MGAT5: variants seen among roughly 807,000 people sequenced by gnomAD.
MGAT5 encodes the protein alpha-1,6-mannosylglycoprotein 6-beta-N-acetylglucosaminyltransferase, also known as alpha-1,6-mannosylglycoprotein 6-beta-N-acetylglucosaminyltransferase A.
Under a neutral mutation model 94.3 loss-of-function variants are expected in MGAT5, and 30 were observed. The ratio of observed to expected loss-of-function variants is 0.32; its 90% CI spans 0.24 to 0.43. MGAT5 has a LOEUF of 0.43. Ranked by LOEUF, MGAT5 falls within the 20% of genes least tolerant of loss-of-function variation. MGAT5 has a pLI of 1.00. For synonymous variants in MGAT5, 310 were observed against 322.9 expected, an observed-to-expected ratio of 0.96 and a Z score of 0.43; for missense variants, 691 against 905.5, an observed-to-expected ratio of 0.76 and a Z score of 3.04.
intron 4 of MGAT5, among the ~76,000 whole-genome samples, chr2:134,333,708 G>A (rs942968492): frequency 1.4e-4 from 22 of 152,086 alleles, no homozygotes; most frequent in Non-Finnish European, 4.4e-5. Context: ...AGAAAACAAA[G>A]TTAGGGATTA....
chr2:134,202,004 G>C (rs13410650), intron 1 of MGAT5, among the ~76,000 whole-genome samples: 1 of 151,808 alleles, frequency 6.6e-6, no homozygotes, highest in Non-Finnish European at 1.5e-5. Context: ...CTAATGAAGA[G>C]ATGCAACTAT....
chr2:134,295,694 A>G (rs73958348), intron 2 of MGAT5, among the ~76,000 whole-genome samples: 8,777 of 152,126 alleles, frequency 0.058, 551 homozygotes, highest in East Asian at 0.2. Flanking sequence ...CGGAGTTTCT[A>G]TTGGAACCAT....
chr2:134,307,885 A>G (rs1402732689), intron 2 of MGAT5, among the ~76,000 whole-genome samples: 1 of 152,092 alleles, frequency 6.6e-6, no homozygotes, highest in Non-Finnish European at 1.5e-5. Flanking sequence ...TGAGGTTGGG[A>G]GAGCATTAAA....
intron 2 of MGAT5, among the ~76,000 whole-genome samples, chr2:134,303,074 T>C (rs1225021905): frequency 6.6e-6 from 1 of 152,176 alleles, no homozygotes; most frequent in Non-Finnish European, 1.5e-5. Flanking sequence ...GCCTACATGA[T>C]GTTCTCCACA....
At chr2:134,183,689 A>G (rs1390506667) in intron 1 of MGAT5, among the ~76,000 whole-genome samples, 1 of 152,218 alleles carries the variant, frequency 6.6e-6, no homozygotes, top group Non-Finnish European at 1.5e-5. Context: ...TGGAACTGTT[A>G]AATTCACTTT....
intron 6 of MGAT5, among the ~76,000 whole-genome samples, chr2:134,339,603 T>C (rs1158165033): frequency 6.6e-6 from 1 of 151,966 alleles, no homozygotes; most frequent in Non-Finnish European, 1.5e-5. Flanking sequence ...AGGAAAAAAA[T>C]GGTCCAATTA....
intron 1 of MGAT5, among the ~76,000 whole-genome samples, chr2:134,172,359 G>T (rs181935767): frequency 1.3e-5 from 2 of 151,584 alleles, no homozygotes; most frequent in African/African-American, 4.8e-5. Flanking sequence ...TATGGAGGAA[G>T]GAATTTCCTA....
At position 134,323,050 on chromosome 2, in the gene MGAT5, T is replaced by G. The variant is rs114986157; in HGVS notation, c.573+4311T>G. ...GACCTGTCTTAAGAGATGGTACTCT[T>G]CCTTCATTTTTCTTTCTTAGGGTTG... is the stretch of plus-strand genomic sequence containing the variant. On this transcript the variant is annotated intron_variant, in intron 4 of 15. Coordinates refer to ENST00000281923, the MANE Select transcript of MGAT5 (RefSeq NM_002410.5). 1.3e-3 allele frequency among the ~76,000 whole-genome samples: 199 copies of G among 152,306 alleles called. 1 individual carries two copies. The highest frequency in any genetic ancestry group is 4.7e-3 in the African/African-American group (194 of 41,568).
At chr2:134,142,273 A>G (rs1460819384) in intron 1 of MGAT5, among the ~76,000 whole-genome samples, 1 of 152,112 alleles carries the variant, frequency 6.6e-6, no homozygotes, top group East Asian at 1.9e-4. Context: ...ACCAGATGAT[A>G]CCACCCCGAA....
chr2:134,452,859 A>G lies in MGAT5; in HGVS notation c.*4012A>G, dbSNP rs1466318611. ...TCATGTGAGTAGACGGATGGACATA[A>G]ATAGATTCATGCTCATTTAGGAAGC... On this transcript the variant is annotated 3_prime_UTR_variant, in exon 16 of 16. Coordinates refer to ENST00000281923, the MANE Select transcript of MGAT5 (RefSeq NM_002410.5). 6.6e-6 allele frequency: 1 copy of G among 152,242 alleles called. No homozygotes were observed. Among genetic ancestry groups the G allele is most frequent in the Non-Finnish European group, 1.5e-5 (1 of 68,046 alleles). The allele number at this position is 152,242 out of a possible 1,614,324, so 9.4% of individuals were successfully genotyped here. A position where few individuals can be genotyped will look rare whatever the true frequency, so the allele number is the denominator to read the frequency against.
At chr2:134,394,146 G>T (rs1486271943) in intron 10 of MGAT5, among the ~76,000 whole-genome samples, 1 of 152,054 alleles carries the variant, frequency 6.6e-6, no homozygotes, top group Admixed American at 6.5e-5. Flanking sequence ...CTATATATGA[G>T]ACGTGCCCAT....
At chr2:134,225,495 T>A (rs1681014867) in intron 1 of MGAT5, among the ~76,000 whole-genome samples, 1 of 152,246 alleles carries the variant, frequency 6.6e-6, no homozygotes, top group Non-Finnish European at 1.5e-5. Flanking sequence ...TAAGTTCTGA[T>A]TTTCTATCAT....
At chr2:134,416,771 T>C (rs1683997439) in intron 12 of MGAT5, among the ~76,000 whole-genome samples, 3 of 122,666 alleles carry the variant, frequency 2.4e-5, no homozygotes, top group Admixed American at 8.1e-5. Flanking sequence ...ATTAATTTTT[T>C]TTTTTTTTTT....
At chr2:134,397,198 T>TA (rs1210533898) in intron 10 of MGAT5, among the ~76,000 whole-genome samples, 2 of 151,934 alleles carry the variant, frequency 1.3e-5, no homozygotes, top group Non-Finnish European at 2.9e-5. Context: ...CTAGTGACAA[T>TA]AAGGAGGATG....
At chr2:134,298,812 G>A (rs1685848303) in intron 2 of MGAT5, among the ~76,000 whole-genome samples, 3 of 152,118 alleles carry the variant, frequency 2.0e-5, no homozygotes, top group African/African-American at 7.2e-5. Context: ...CAGGAACCAT[G>A]GGTTGGGATT....
intron 11 of MGAT5, 93 bp downstream of exon 11, chr2:134,403,230 A>G (rs537241123): frequency 3.0e-5 from 40 of 1,354,034 alleles, no homozygotes; most frequent in Non-Finnish European, 3.8e-5. Flanking sequence ...CAATGCTGCA[A>G]TAAACTCTTG....
intron 1 of MGAT5, among the ~76,000 whole-genome samples, chr2:134,177,474 A>G (rs913617134): frequency 2.0e-5 from 3 of 152,096 alleles, no homozygotes; most frequent in Non-Finnish European, 2.9e-5. Flanking sequence ...TCACCTGGTC[A>G]CCCCTGGCAG....
chr2:134,312,681 C>T (rs142357819), intron 2 of MGAT5, among the ~76,000 whole-genome samples: 222 of 152,208 alleles, frequency 1.5e-3, no homozygotes, highest in African/African-American at 4.8e-3. Context: ...CTTCCTCCCA[C>T]GTGTGCCAGC....
intron 1 of MGAT5, among the ~76,000 whole-genome samples, chr2:134,182,223 A>G (rs1688766780): frequency 6.6e-6 from 1 of 152,210 alleles, no homozygotes; most frequent in Admixed American, 6.5e-5. Context: ...GATTATTAGA[A>G]ATAATTTTGT....
Sources: allele counts gnomAD v4.1 joint callset (sites outside exome capture counted in the v4.1 genomes callset), GRCh38; gene constraint gnomAD v4.1.1; transcripts MANE v1.5; gene names NCBI Gene and HGNC (gene_info 2026-07-23, HGNC 2026-07-21).